The following CYBB variants were observed in gnomAD, a reference collection of about 807,000 sequenced individuals.
CYBB encodes cytochrome b-245 beta chain, also known as NADPH oxidase 2.
A neutral mutation model predicts 46.5 loss-of-function variants in CYBB; 5 were observed. That is an observed-to-expected ratio of 0.11 (90% CI 0.06 to 0.23). The LOEUF (loss-of-function observed/expected upper bound fraction) is 0.23. Ranked by LOEUF, CYBB falls within the 10% of genes least tolerant of loss-of-function variation. The probability of loss-of-function intolerance (pLI) is 1.00; values close to 1 mark genes in which losing one functional copy is unlikely to be tolerated. For missense variants in CYBB, 307 were observed against 428.3 expected, an observed-to-expected ratio of 0.72 and a Z score of 2.50; for synonymous variants, 183 against 156.7, an observed-to-expected ratio of 1.17 and a Z score of -1.26.
At chrX:37,797,890 A>G (rs1929347149) in intron 6 of CYBB, among the ~76,000 whole-genome samples, 1 of 111,858 alleles carries the variant, frequency 8.9e-6, no homozygotes, top group South Asian at 3.7e-4. Context: ...TTACTAAATC[A>G]TTCTGATTTA....
chrX:37,795,715 C>T (rs1929285841), intron 5 of CYBB, among the ~76,000 whole-genome samples: 1 of 112,438 alleles, frequency 8.9e-6, no homozygotes, highest in Non-Finnish European at 1.9e-5. Context: ...TTTCCTATGA[C>T]ATCTTAACCA....
chrX:37,787,932 C>A (rs1483772137), intron 3 of CYBB, among the ~76,000 whole-genome samples: 15 of 111,613 alleles, frequency 1.3e-4, no homozygotes, highest in Non-Finnish European at 2.3e-4. Context: ...ATGGTTGGAC[C>A]CACTCCACTG....
intron 3 of CYBB, among the ~76,000 whole-genome samples, chrX:37,785,380 T>G (rs189494596): frequency 8.9e-6 from 1 of 112,610 alleles, no homozygotes; most frequent in Admixed American, 9.4e-5. Context: ...ACAACAGTAC[T>G]TGGTATTAAA....
chrX:37,799,342 G>T (rs782385360), intron 7 of CYBB, among the ~76,000 whole-genome samples: 1 of 111,670 alleles, frequency 9.0e-6, no homozygotes, highest in Non-Finnish European at 1.9e-5. Context: ...TGCTGTTTTG[G>T]TTCAAGAAGT....
Position 37,784,822 on chromosome X carries a change from C to T in CYBB, c.252+1222C>T, listed in dbSNP as rs1429864274. On this transcript the variant is annotated intron_variant, in intron 3 of 12. Coordinates refer to ENST00000378588, the MANE Select transcript of CYBB (RefSeq NM_000397.4). ...ATGTAGGGATTGTACAGGGCAGATG[C>T]CTGACATAAGGCTGGAGAAAAGAGG... Among the ~76,000 whole-genome samples the T allele has an allele frequency of 2.7e-5, 3 of 111,501 alleles. No individual in the cohort carries two copies. The East Asian group carries it at 8.5e-4, about 31-fold the overall frequency.
intron 9 of CYBB, among the ~76,000 whole-genome samples, 184 bp downstream of exon 9, chrX:37,804,314 A>G (rs1556470926): frequency 8.9e-6 from 1 of 111,851 alleles, no homozygotes; most frequent in Non-Finnish European, 1.9e-5. Flanking sequence ...CATAAATCTT[A>G]TGTGAAATAT....
At chrX:37,784,030 A>C (rs369659323) in intron 3 of CYBB, among the ~76,000 whole-genome samples, 14 of 111,801 alleles carry the variant, frequency 1.3e-4, no homozygotes, top group African/African-American at 4.5e-4. Flanking sequence ...CAATGGACAG[A>C]GTCACACTAT....
intron 8 of CYBB, among the ~76,000 whole-genome samples, chrX:37,803,024 G>A (rs139887290): frequency 0.036 from 3,976 of 111,908 alleles, 173 homozygotes; most frequent in African/African-American, 0.12. Flanking sequence ...GAATAAAGCT[G>A]TTATAAACGT....
At chrX:37,799,178 G>C in intron 7 of CYBB, 94 bp downstream of exon 7, 2 of 850,454 alleles carry the variant, frequency 2.4e-6, no homozygotes, top group Non-Finnish European at 3.5e-6. Context: ...CATCTATATA[G>C]ATGTCCATTA....
intron 2 of CYBB, among the ~76,000 whole-genome samples, chrX:37,782,712 C>T (rs1357989718): frequency 1.8e-5 from 2 of 111,680 alleles, no homozygotes; most frequent in Non-Finnish European, 3.8e-5. Flanking sequence ...TTCCTTGGGT[C>T]CTTTAGTATT....
Position 37,791,961 on chromosome X carries a change from C to T in CYBB, c.253-14C>T, listed in dbSNP as rs1459775114. 1 of 1,172,479 alleles carries T rather than the reference C, an allele frequency of 8.5e-7. No homozygotes were observed. On this transcript the variant is annotated splice_polypyrimidine_tract_variant and intron_variant, in intron 3 of 12. Transcript: ENST00000378588. ...TAACAATTACTATTCCATTCTTTCC[C>T]CCTTAATCCAAAGTGCTGCTCAACA...
rs1384465552 is a variant in CYBB, at chrX:37,799,052, C to G, written c.772C>G (p.Pro258Ala). The change falls in exon 7 of 13, where the codon CCA becomes GCA. Residue 258 changes from proline (P) to alanine (A), a missense_variant. Pro to Ala is a conservative substitution (Grantham distance 27). Coordinates refer to ENST00000378588, the MANE Select transcript of CYBB (RefSeq NM_000397.4). ...ISEWGKIKECPIPQFAGNPPM... is the reference protein window; with the variant it reads ...ISEWGKIKECAIPQFAGNPPM... Reference sequence around the variant, plus strand: ...AGAATGGGGAAAAATAAAGGAATGCCCAATCCCTCAGTTTGCTGGAAACCC... The same window carrying G: ...AGAATGGGGAAAAATAAAGGAATGCGCAATCCCTCAGTTTGCTGGAAACCC... 8.3e-7 allele frequency: 1 copy of G among 1,206,373 alleles called. No individual in the cohort carries two copies. Among genetic ancestry groups the G allele is most frequent in the Non-Finnish European group, 1.1e-6 (1 of 892,323 alleles).
At position 37,810,959 on chromosome X, in the gene CYBB, A is replaced by AG. The variant is rs1211440554; in HGVS notation, c.*42_*43insG. ...GGAAATAAATGTGGGTTGTGCTGCC[A>AG]AATGCTCAAATAATGCTAATTGATA... On this transcript the variant is annotated 3_prime_UTR_variant, in exon 13 of 13. Coordinates refer to ENST00000378588, the MANE Select transcript of CYBB (RefSeq NM_000397.4). The AG allele has an allele frequency of 1.3e-5, 15 of 1,141,149 alleles. No homozygotes were observed. The highest frequency in any genetic ancestry group is 1.8e-5 in the Non-Finnish European group (15 of 834,963). The allele number at this position is 1,141,149 out of a possible 1,213,427, so 94.0% of individuals were successfully genotyped here. A position where few individuals can be genotyped will look rare whatever the true frequency, so the allele number is the denominator to read the frequency against.
intron 2 of CYBB, 148 bp from the exon 3 acceptor site, chrX:37,783,342 G>A: frequency 2.0e-6 from 1 of 488,538 alleles, no homozygotes; most frequent in East Asian, 3.7e-5. Flanking sequence ...TAGCCCTAAA[G>A]GAAAACCGTT....
At chrX:37,789,526 A>AAAATAAATAAATAAAT (rs59209229) in intron 3 of CYBB, among the ~76,000 whole-genome samples, 292 of 104,304 alleles carry the variant, frequency 2.8e-3, no homozygotes, top group Middle Eastern at 0.015. Flanking sequence ...AGAAAGAAAG[A>AAAATAAATAAATAAAT]AAATAAATAA....
chrX:37,790,312 T>A (rs1452990891), intron 3 of CYBB, among the ~76,000 whole-genome samples: 1 of 111,617 alleles, frequency 9.0e-6, no homozygotes, highest in Non-Finnish European at 1.9e-5. Context: ...TACACTTAAA[T>A]TCTTGTCACA....
intron 3 of CYBB, among the ~76,000 whole-genome samples, chrX:37,791,578 C>T (rs1420699123): frequency 1.8e-5 from 2 of 111,998 alleles, no homozygotes; most frequent in Non-Finnish European, 3.8e-5. Flanking sequence ...TTGTCTGTGT[C>T]CCCACTTGAC....
intron 3 of CYBB, among the ~76,000 whole-genome samples, chrX:37,790,196 T>G (rs1207747236): frequency 8.9e-6 from 1 of 112,333 alleles, no homozygotes; most frequent in African/African-American, 3.2e-5. Flanking sequence ...AGCCCAATGA[T>G]ATGATATGAT....
At chrX:37,802,231 A>G (rs1452305017) in intron 8 of CYBB, among the ~76,000 whole-genome samples, 2 of 111,317 alleles carry the variant, frequency 1.8e-5, no homozygotes, top group Non-Finnish European at 3.8e-5. Flanking sequence ...GGAAGTCTTG[A>G]AATATAGGAA....
Sources: gnomAD v4.1 joint callset for allele counts (sites outside exome capture counted in the v4.1 genomes callset) on GRCh38, gnomAD v4.1.1 for gene constraint, MANE v1.5 for transcripts, NCBI Gene and HGNC (gene_info 2026-07-23, HGNC 2026-07-21) for gene names.